The following ATG5 variants were observed in gnomAD, a reference collection of about 807,000 sequenced individuals.
ATG5 encodes the protein autophagy protein 5.
In ATG5, 14 loss-of-function variants were observed where a neutral mutation model predicts 36.5. The ratio of observed to expected loss-of-function variants is 0.38; its 90% CI spans 0.25 to 0.60. The LOEUF is 0.60. Among genes scored for constraint, ATG5 ranks in the 20% least tolerant of loss-of-function variants. The pLI is 0.60. For missense variants in ATG5, 195 were observed against 326.7 expected (o/e 0.60, Z 3.11); for synonymous variants, 95 against 101.5 (o/e 0.94, Z 0.38).
intron 5 of ATG5, among the ~76,000 whole-genome samples, chr6:106,265,012 G>T (rs1378895767): frequency 6.6e-6 from 1 of 152,028 alleles, no homozygotes; most frequent in African/African-American, 2.4e-5. Context: ...AAATGTAAAT[G>T]GGATAAATGC....
intron 4 of ATG5, among the ~76,000 whole-genome samples, chr6:106,291,935 C>T (rs1780322996): frequency 6.6e-6 from 1 of 152,118 alleles, no homozygotes; most frequent in South Asian, 2.1e-4. Flanking sequence ...CTCTAATGAC[C>T]CACAAACTCA....
At chr6:106,322,646 AC>A (rs1440481212) in intron 1 of ATG5, among the ~76,000 whole-genome samples, 7 of 152,310 alleles carry the variant, frequency 4.6e-5, no homozygotes, top group Middle Eastern at 6.8e-3. Flanking sequence ...CAACAGTCCC[AC>A]CCTGGGAGGG....
chr6:106,252,090 C>T (rs527445076), intron 5 of ATG5, among the ~76,000 whole-genome samples: 50 of 152,298 alleles, frequency 3.3e-4, no homozygotes, highest in Non-Finnish European at 5.9e-4. Flanking sequence ...ATCCATCTGC[C>T]TTGGCCTCCC....
rs372813235 is a variant in ATG5, at chr6:106,308,462, C to T, written c.138G>A (p.Thr46=). Reference sequence around the variant, plus strand: ...GCTTTTTCACTTTGTCAGTTACCAACGTCAAATAACTTACTCTTGGCAAAA... The same window carrying T: ...GCTTTTTCACTTTGTCAGTTACCAATGTCAAATAACTTACTCTTGGCAAAA... The part of the protein sequence containing the change: ...YLLLPRVSYL[T]LVTDKVKKHF... The change falls in exon 3 of 8, where the codon ACG becomes ACA. Residue 46 remains threonine (T), a synonymous_variant. Transcript: ENST00000369076. 2.5e-6 allele frequency: 4 copies of T among 1,590,686 alleles called. No individual in the cohort carries two copies. The highest frequency in any genetic ancestry group is 3.4e-6 in the Non-Finnish European group (4 of 1,168,990).
At chr6:106,260,149 T>C (rs1778957763) in intron 5 of ATG5, among the ~76,000 whole-genome samples, 1 of 152,052 alleles carries the variant, frequency 6.6e-6, no homozygotes, top group Non-Finnish European at 1.5e-5. Context: ...AGGAGAAATA[T>C]CCAATGTAAA....
intron 7 of ATG5, among the ~76,000 whole-genome samples, chr6:106,190,948 A>G (rs954148199): frequency 2.0e-5 from 3 of 152,202 alleles, no homozygotes; most frequent in Admixed American, 6.5e-5. Context: ...CTAGTTAGCA[A>G]GGTACTAATG....
rs763827614 is a variant in ATG5, at chr6:106,186,529, T to C, written c.*11A>G. ...TTAAGGATGATTCTGTTCAGGCAAA[T>C]AGTTGATCCTTCAATCTGTTGGCTG... On this transcript the variant is annotated 3_prime_UTR_variant, in exon 8 of 8. Transcript: ENST00000369076. The C allele has an allele frequency of 1.6e-5, 26 of 1,612,738 alleles. 1 individual carries two copies. The highest frequency in any genetic ancestry group is 6.6e-5 in the South Asian group (6 of 91,038).
At chr6:106,220,019 T>A (rs896914192) in intron 6 of ATG5, among the ~76,000 whole-genome samples, 1 of 152,174 alleles carries the variant, frequency 6.6e-6, no homozygotes, top group Non-Finnish European at 1.5e-5. Flanking sequence ...TTTAAATTGA[T>A]AGCCTTTTTT....
At chr6:106,200,564 T>C (rs1159365162) in intron 7 of ATG5, among the ~76,000 whole-genome samples, 1 of 151,980 alleles carries the variant, frequency 6.6e-6, no homozygotes, top group Admixed American at 6.6e-5. Context: ...AAGCTCCGCC[T>C]TGTGGGTTCA....
chr6:106,210,132 G>A (rs886698206), intron 6 of ATG5, among the ~76,000 whole-genome samples: 2 of 152,114 alleles, frequency 1.3e-5, no homozygotes, highest in African/African-American at 4.8e-5. Context: ...ACAGTTGCTC[G>A]GTTGGACAGT....
At chr6:106,215,413 G>A (rs984921616) in intron 6 of ATG5, among the ~76,000 whole-genome samples, 1 of 151,774 alleles carries the variant, frequency 6.6e-6, no homozygotes, top group African/African-American at 2.4e-5. Context: ...TTATAACATG[G>A]GAATATTTAT....
chr6:106,206,972 T>C (rs1776657957), intron 6 of ATG5, among the ~76,000 whole-genome samples: 1 of 152,152 alleles, frequency 6.6e-6, no homozygotes, highest in Non-Finnish European at 1.5e-5. Context: ...GCAATCTAAA[T>C]CTTAGGTTGA....
chr6:106,239,412 T>C (rs1192735880), intron 6 of ATG5, among the ~76,000 whole-genome samples: 1 of 152,180 alleles, frequency 6.6e-6, no homozygotes, highest in Non-Finnish European at 1.5e-5. Flanking sequence ...TATATCAAAA[T>C]TTAAATCGAA....
chr6:106,232,281 G>A (rs185582305), intron 6 of ATG5, among the ~76,000 whole-genome samples: 3 of 152,200 alleles, frequency 2.0e-5, no homozygotes, highest in African/African-American at 7.2e-5. Context: ...TATCCAAGGG[G>A]TCCTAGGACA....
intron 1 of ATG5, among the ~76,000 whole-genome samples, chr6:106,320,179 C>G (rs1771006802): frequency 6.6e-6 from 1 of 152,236 alleles, no homozygotes; most frequent in South Asian, 2.1e-4. Context: ...TTCTTTCCAT[C>G]ATACTATATT....
intron 6 of ATG5, among the ~76,000 whole-genome samples, chr6:106,230,250 C>CT (rs1449122623): frequency 1.3e-5 from 2 of 152,236 alleles, no homozygotes; most frequent in Non-Finnish European, 2.9e-5. Flanking sequence ...ATCAAAAAGA[C>CT]TATCTCAATC....
At chr6:106,232,114 A>G (rs941418392) in intron 6 of ATG5, among the ~76,000 whole-genome samples, 1 of 152,210 alleles carries the variant, frequency 6.6e-6, no homozygotes, top group African/African-American at 2.4e-5. Flanking sequence ...CAGGACTGAG[A>G]GTGCCCGGGG....
In ATG5 at chr6:106,186,471, A is replaced by G; in HGVS notation, c.*69T>C. ...GGTTGCCTCCACCAAACCTGATTGA[A>G]GCAAAAGGGTGACATGCTCTGATAA... On this transcript the variant is annotated 3_prime_UTR_variant, in exon 8 of 8. Coordinates refer to ENST00000369076, the MANE Select transcript of ATG5 (RefSeq NM_004849.4). 1 of 1,571,804 alleles carries G rather than the reference A, an allele frequency of 6.4e-7. No homozygotes were observed. Among genetic ancestry groups the G allele is most frequent in the Non-Finnish European group, 8.7e-7 (1 of 1,148,186 alleles).
intron 5 of ATG5, among the ~76,000 whole-genome samples, chr6:106,274,890 C>A (rs556733316): frequency 6.6e-6 from 1 of 152,214 alleles, no homozygotes; most frequent in South Asian, 2.1e-4. Flanking sequence ...TATAACTATA[C>A]CAGAGTGTGA....
Sources: gnomAD v4.1 joint callset for allele counts (sites outside exome capture counted in the v4.1 genomes callset) on GRCh38, gnomAD v4.1.1 for gene constraint, MANE v1.5 for transcripts, NCBI Gene and HGNC (gene_info 2026-07-23, HGNC 2026-07-21) for gene names.